The following ANKAR variants were observed in gnomAD, a reference collection of about 807,000 sequenced individuals.
ANKAR encodes the protein ankyrin and armadillo repeat-containing protein.
ANKAR carries 136 observed loss-of-function variants against 146.2 expected under a neutral mutation model. That is an observed-to-expected ratio of 0.93 (90% confidence interval 0.81 to 1.07). The LOEUF is 1.07. Ranked by LOEUF, ANKAR falls within the 50% of genes least tolerant of loss-of-function variation. ANKAR has a pLI of 0.00. For synonymous variants in ANKAR, 500 were observed against 575.8 expected, an observed-to-expected ratio of 0.87 and a Z score of 1.88; for missense variants, 1,567 against 1,679.9, an observed-to-expected ratio of 0.93 and a Z score of 1.18.
intron 2 of ANKAR, among the ~76,000 whole-genome samples, chr2:189,680,162 T>G (rs920479565): frequency 3.9e-5 from 6 of 152,148 alleles, no homozygotes; most frequent in African/African-American, 1.4e-4. Context: ...TTCTTCCTAT[T>G]TAATCTAGGA....
At chr2:189,725,909 AAAAAGAAAAG>A (rs538526500) in intron 12 of ANKAR, among the ~76,000 whole-genome samples, 4 of 152,154 alleles carry the variant, frequency 2.6e-5, no homozygotes, top group Admixed American at 2.6e-4. Flanking sequence ...CCTTGTCTCA[AAAAAGAAAAG>A]AAAAGAAAAG....
intron 19 of ANKAR, 52 bp downstream of exon 19, chr2:189,738,734 C>T (rs2043069623): frequency 8.8e-7 from 1 of 1,139,912 alleles, no homozygotes. Context: ...TTTTCAAAAA[C>T]AGTTTATTGT....
At chr2:189,725,956 AG>A (rs1312670510) in intron 12 of ANKAR, among the ~76,000 whole-genome samples, 1 of 152,124 alleles carries the variant, frequency 6.6e-6, no homozygotes, top group African/African-American at 2.4e-5. Flanking sequence ...ATAAAATAGG[AG>A]CCTGTGCCCT....
At chr2:189,748,078 T>G (rs1309635852), downstream of ANKAR, among the ~76,000 whole-genome samples, 2 of 152,230 alleles carry the variant, frequency 1.3e-5, no homozygotes, top group Non-Finnish European at 2.9e-5. Flanking sequence ...ATTCTCTACC[T>G]GGGCTGCAGT....
At chr2:189,696,060 T>C in intron 6 of ANKAR, 90 bp from the exon 7 acceptor site, 3 of 1,113,342 alleles carry the variant, frequency 2.7e-6, no homozygotes, top group Non-Finnish European at 3.9e-6. Flanking sequence ...AGCATTCATG[T>C]GATTCTGTTA....
In ANKAR at chr2:189,696,221, A is replaced by G. The variant is rs749880069; in HGVS notation, c.1560A>G (p.Lys520=). 7 of 1,614,138 alleles carry G rather than the reference A, an allele frequency of 4.3e-6. No individual in the cohort carries two copies. In the South Asian group the frequency reaches 7.7e-5, roughly 18 times the overall value. The change falls in exon 7 of 23, where the codon AAA becomes AAG. Residue 520 remains lysine, a synonymous_variant. Coordinates refer to ENST00000684021, the MANE Select transcript of ANKAR (RefSeq NM_001378068.1). ...LSAVFHTFSR[K]TSSSTINVSD... ...CAGTTTTCCACACATTTAGCCGTAA[A>G]ACCTCAAGCTCAACAATCAATGTTT...
chr2:189,738,542 C>G, intron 18 of ANKAR, 23 bp from the exon 19 acceptor site: 1 of 1,419,108 alleles, frequency 7.0e-7, no homozygotes, highest in Middle Eastern at 1.8e-4. Context: ...TTCAAAGACT[C>G]TCTGCTTCTT....
In ANKAR at chr2:189,705,038, A is replaced by G; in HGVS notation, c.1724A>G (p.His575Arg). 6.2e-7 allele frequency: 1 copy of G among 1,613,938 alleles called. No individual in the cohort carries two copies. Among genetic ancestry groups the G allele is most frequent in the Non-Finnish European group, 8.5e-7 (1 of 1,179,972 alleles). The stretch of plus-strand genomic sequence containing the variant: ...TCCATTCTAGGTCCAACACCTCTAC[A>G]CCTTGCTGCACAGGCTTGCTCATTA... ...VTFSQGPTPLHLAAQACSLET... is the reference protein window; with the variant it reads ...VTFSQGPTPLRLAAQACSLET... Residue 575 changes from histidine (H) to arginine (R), a missense_variant, in exon 8 of 23, where the codon CAC (histidine) becomes CGC (arginine). Physicochemically the swap from His to Arg is conservative, Grantham distance 29. Coordinates refer to ENST00000684021, the MANE Select transcript of ANKAR (RefSeq NM_001378068.1).
At chr2:189,749,348 T>C (rs1047565250), downstream of ANKAR, among the ~76,000 whole-genome samples, 22 of 150,680 alleles carry the variant, frequency 1.5e-4, no homozygotes, top group Non-Finnish European at 2.8e-4. Flanking sequence ...AGTTGGAGGA[T>C]TACATGAGCC....
At chr2:189,758,632 A>G (rs1445159622) in intron 18 of ANKAR, among the ~76,000 whole-genome samples, 6 of 152,208 alleles carry the variant, frequency 3.9e-5, no homozygotes, top group Non-Finnish European at 1.5e-5. Context: ...ACAGGTTATA[A>G]TATTCTTTCC....
chr2:189,674,900 C>T (rs952377448), intron 1 of ANKAR, 70 bp downstream of exon 1: 1 of 152,444 alleles, frequency 6.6e-6, no homozygotes, highest in Non-Finnish European at 1.5e-5. Flanking sequence ...TGCTTTTGGA[C>T]GTGGGTCCCG....
downstream of ANKAR, chr2:189,761,464 A>C (rs1313036946): frequency 1.2e-6 from 2 of 1,612,700 alleles, no homozygotes; most frequent in Non-Finnish European, 1.7e-6. Flanking sequence ...CTCCCAACAC[A>C]TTTCCAGTTT....
intron 10 of ANKAR, among the ~76,000 whole-genome samples, chr2:189,714,615 C>T (rs754463785): frequency 6.6e-5 from 10 of 152,016 alleles, no homozygotes; most frequent in South Asian, 2.1e-4. Flanking sequence ...TAAAGCACTG[C>T]GTAGAGGGAA....
intron 7 of ANKAR, among the ~76,000 whole-genome samples, chr2:189,698,498 C>A (rs2037580057): frequency 6.6e-6 from 1 of 152,066 alleles, no homozygotes; most frequent in African/African-American, 2.4e-5. Context: ...TAGACTTAAC[C>A]TCAATGTTGG....
intron 12 of ANKAR, among the ~76,000 whole-genome samples, chr2:189,726,592 C>A (rs1319747647): frequency 1.3e-5 from 2 of 152,090 alleles, no homozygotes; most frequent in East Asian, 1.9e-4. Flanking sequence ...GACCAAAAAA[C>A]CCCTGAGAAA....
At chr2:189,720,871 T>C (rs2105787628) in intron 12 of ANKAR, 84 bp downstream of exon 12, 2 of 1,102,432 alleles carry the variant, frequency 1.8e-6, no homozygotes, top group Non-Finnish European at 2.4e-6. Flanking sequence ...CCTATATGAA[T>C]AGATGTCCCG....
intron 16 of ANKAR, among the ~76,000 whole-genome samples, chr2:189,731,376 C>CA (rs1553530153): frequency 7.3e-6 from 1 of 137,396 alleles, no homozygotes; most frequent in Non-Finnish European, 1.5e-5. Context: ...TTTCTTTTTT[C>CA]TTTTTTTTTT....
At chr2:189,743,511 A>T in intron 21 of ANKAR, 37 bp downstream of exon 21, 1 of 1,565,290 alleles carries the variant, frequency 6.4e-7, no homozygotes, top group Admixed American at 1.7e-5. Context: ...TAGTGAAATC[A>T]TCGATAGAGG....
At chr2:189,677,673 CTTTTTT>C (rs1231293787) in intron 2 of ANKAR, among the ~76,000 whole-genome samples, 1 of 143,344 alleles carries the variant, frequency 7.0e-6, no homozygotes, top group Non-Finnish European at 1.5e-5. Flanking sequence ...TTCTTTCTTT[CTTTTTT>C]TTTTTTTCTT....
Sources: allele counts gnomAD v4.1 joint callset (sites outside exome capture counted in the v4.1 genomes callset), GRCh38; gene constraint gnomAD v4.1.1; transcripts MANE v1.5; gene names NCBI Gene and HGNC (gene_info 2026-07-23, HGNC 2026-07-21).